The following ST14 variants were observed in gnomAD, a reference collection of about 807,000 sequenced individuals.
The protein encoded by ST14 is ST14 transmembrane serine protease matriptase.
ST14 carries 40 observed loss-of-function variants against 96.5 expected under a neutral mutation model. The observed-to-expected ratio is 0.41, with a 90% CI of 0.32 to 0.54. The LOEUF is 0.54. Among genes scored for constraint, ST14 ranks in the 20% least tolerant of loss-of-function variants. ST14 has a pLI of 0.17. For missense variants in ST14, 1,066 were observed against 1,188.9 expected (o/e 0.90, Z 1.52); for synonymous variants, 506 against 492.1 (o/e 1.03, Z -0.37).
chr11:130,183,821 C>CAGCT (rs1953214968), intron 1 of ST14, among the ~76,000 whole-genome samples: 1 of 152,170 alleles, frequency 6.6e-6, no homozygotes, highest in African/African-American at 2.4e-5. Flanking sequence ...AGTACAAAGA[C>CAGCT]AGCTACGGGA....
At position 130,194,141 on chromosome 11, in the gene ST14, C is replaced by T; in HGVS notation, c.876-8C>T. On this transcript the variant is annotated splice_region_variant and splice_polypyrimidine_tract_variant and intron_variant, in intron 7 of 18. Transcript: ENST00000278742. ...GCTCTTCCTAATGCCCGCCCTCTGCCCCCACAGGTTGTGTGGCACCTACCC... is the reference window on the plus strand; with the variant it reads ...GCTCTTCCTAATGCCCGCCCTCTGCTCCCACAGGTTGTGTGGCACCTACCC... 6.2e-7 allele frequency: 1 copy of T among 1,614,206 alleles called. No homozygotes were observed. Among genetic ancestry groups the T allele is most frequent in the South Asian group, 1.1e-5 (1 of 91,088 alleles).
At chr11:130,186,292 A>G (rs1288744369) in intron 1 of ST14, among the ~76,000 whole-genome samples, 1 of 152,226 alleles carries the variant, frequency 6.6e-6, no homozygotes. Context: ...AAAAATTTTT[A>G]AAAAGTATGT....
Position 130,165,387 on chromosome 11 carries a change from G to A in ST14, c.81+5327G>A, listed in dbSNP as rs75723852. ...TCAGAGTTCTTAGCCTGGCCTGGTT[G>A]GCAGTGGTGAGAAGTGTGTTTGGGG... is the stretch of plus-strand genomic sequence containing the variant. On this transcript the variant is annotated intron_variant, in intron 1 of 18. Coordinates refer to ENST00000278742, the MANE Select transcript of ST14 (RefSeq NM_021978.4). 5.4e-3 allele frequency among the ~76,000 whole-genome samples: 819 copies of A among 152,332 alleles called. 8 individuals are homozygous for A. Among genetic ancestry groups the A allele is most frequent in the African/African-American group, 0.018 (743 of 41,572 alleles).
Position 130,194,633 on chromosome 11 carries a change from C to T in ST14, c.1016-7C>T, listed in dbSNP as rs1458487007. ...ATCCTCTTGCTTTCTCCCACCTTCC[C>T]TCTCAGGCTGTGGAGGCCGCTTACG... On this transcript the variant is annotated splice_polypyrimidine_tract_variant and splice_region_variant and intron_variant, in intron 8 of 18. Coordinates refer to ENST00000278742, the MANE Select transcript of ST14 (RefSeq NM_021978.4). 2 of 1,614,008 alleles carry T rather than the reference C, an allele frequency of 1.2e-6. No homozygotes were observed. The highest frequency in any genetic ancestry group is 1.7e-6 in the Non-Finnish European group (2 of 1,179,966).
Position 130,193,186 on chromosome 11 carries a change from C to G in ST14, c.876-963C>G, listed in dbSNP as rs546915861. Among the ~76,000 whole-genome samples, 16 of 150,814 alleles carry G rather than the reference C, an allele frequency of 1.1e-4. No individual in the cohort carries two copies. The South Asian group carries it at 3.4e-3, about 32-fold the overall frequency. On this transcript the variant is annotated intron_variant, in intron 7 of 18. Transcript: ENST00000278742. ...TCACTGTAACCTTGAACTCCTGAGG[C>G]TCAAGCAGTTCTCTGGCCTTGCCCC...
At chr11:130,166,760 CCCAGGAGAGA>C (rs1215212613) in intron 1 of ST14, among the ~76,000 whole-genome samples, 1 of 152,132 alleles carries the variant, frequency 6.6e-6, no homozygotes, top group East Asian at 1.9e-4. Flanking sequence ...TGACAGTGAG[CCCAGGAGAGA>C]TCAGGCATGG....
intron 1 of ST14, among the ~76,000 whole-genome samples, chr11:130,182,374 G>C (rs1329660413): frequency 6.6e-6 from 1 of 151,256 alleles, no homozygotes; most frequent in Admixed American, 6.6e-5. Context: ...CAGGCAGGAG[G>C]GCAGTGGCAT....
chr11:130,190,815 C>A (rs1413215056), intron 7 of ST14, 121 bp downstream of exon 7: 4 of 1,314,596 alleles, frequency 3.0e-6, no homozygotes, highest in Non-Finnish European at 4.1e-6. Flanking sequence ...TGCTAAACAT[C>A]CAGGCAGCAG....
intron 16 of ST14, among the ~76,000 whole-genome samples, chr11:130,205,699 G>C (rs1315625873): frequency 1.1e-5 from 1 of 94,628 alleles, no homozygotes; most frequent in Non-Finnish European, 2.0e-5. Flanking sequence ...TTCTTTAGAC[G>C]TTTTTTTTTT....
Position 130,187,114 on chromosome 11 carries a change from T to G in ST14, c.82-1000T>G, listed in dbSNP as rs1953244760. The stretch of plus-strand genomic sequence containing the variant: ...CACCAGAAGAATGACATCAGGAAAC[T>G]GTCAAAAGGGCCAACACCTGTGGGT... On this transcript the variant is annotated intron_variant, in intron 1 of 18. Transcript: ENST00000278742. This position sits in a 1 kb window ranked among gnomAD's most constrained non-coding sequence, Gnocchi z 4.5. 6.6e-6 allele frequency among the ~76,000 whole-genome samples: 1 copy of G among 152,162 alleles called. No individual in the cohort carries two copies. Among genetic ancestry groups the G allele is most frequent in the Non-Finnish European group, 1.5e-5 (1 of 68,032 alleles).
intron 7 of ST14, among the ~76,000 whole-genome samples, chr11:130,191,705 A>G (rs1392567839): frequency 6.6e-6 from 1 of 152,050 alleles, no homozygotes; most frequent in Non-Finnish European, 1.5e-5. Context: ...AAAAAAAAAA[A>G]AAAAAGAGCC....
In ST14 at chr11:130,187,943, C is replaced by T. The variant is rs1034837045; in HGVS notation, c.82-171C>T. 6.6e-6 allele frequency among the ~76,000 whole-genome samples: 1 copy of T among 152,216 alleles called. No individual in the cohort carries two copies. The highest frequency in any genetic ancestry group is 1.5e-5 in the Non-Finnish European group (1 of 68,042). On this transcript the variant is annotated intron_variant, in intron 1 of 18. Coordinates refer to ENST00000278742, the MANE Select transcript of ST14 (RefSeq NM_021978.4). This position sits in a 1 kb window ranked among gnomAD's most constrained non-coding sequence, Gnocchi z 4.5. ...ATGCCCAGGGTTCATGTCCCGGGGT[C>T]TGCGCTCTGGGCAGTGGTCCCCATG...
intron 1 of ST14, among the ~76,000 whole-genome samples, chr11:130,168,905 A>G: frequency 6.6e-6 from 1 of 152,206 alleles, no homozygotes; most frequent in East Asian, 1.9e-4. Context: ...TAGCTTCTGC[A>G]GATCCCTGGG....
Position 130,190,476 on chromosome 11 carries a change from C to A in ST14, c.657C>A (p.His219Gln). The change falls in exon 7 of 19, where the codon CAC becomes CAA. Residue 219 changes from histidine to glutamine, a missense_variant. Transcript: ENST00000278742. ...TQDNSCSFGL[H>Q]ARGVELMRFT... ...CAGACAGCTGCAGCTTTGGCCTGCA[C>A]GCCCGCGGTGTGGAGCTGATGCGCT... The A allele has an allele frequency of 6.2e-7, 1 of 1,607,440 alleles. No homozygotes were observed. The highest frequency in any genetic ancestry group is 8.5e-7 in the Non-Finnish European group (1 of 1,179,890).
intron 16 of ST14, among the ~76,000 whole-genome samples, chr11:130,203,550 C>A (rs1953453857): frequency 6.6e-6 from 1 of 152,272 alleles, no homozygotes; most frequent in Non-Finnish European, 1.5e-5. Flanking sequence ...ACCGACACGG[C>A]CACGTTATCT....
Position 130,178,858 on chromosome 11 carries a change from G to T in ST14, c.82-9256G>T, listed in dbSNP as rs569345296. Among the ~76,000 whole-genome samples the T allele has an allele frequency of 1.4e-4, 22 of 152,350 alleles. No individual in the cohort carries two copies. In the South Asian group the frequency reaches 4.6e-3, roughly 32 times the overall value. On this transcript the variant is annotated intron_variant, in intron 1 of 18. Coordinates refer to ENST00000278742, the MANE Select transcript of ST14 (RefSeq NM_021978.4). ...CGGGGTTTTGGGGTGTCTGCCAGCA[G>T]CTGGCTGGGTCTGCAGCTGGCCCTG...
chr11:130,162,551 G>A (rs959106324), intron 1 of ST14, among the ~76,000 whole-genome samples: 13 of 152,210 alleles, frequency 8.5e-5, no homozygotes, highest in Non-Finnish European at 1.5e-4. Context: ...CTAGGGGCCA[G>A]GGTGTACACC....
Position 130,208,507 on chromosome 11 carries a change from A to T in ST14, c.2092A>T (p.Ile698Phe). ...GVQERRLKRI[I>F]SHPFFNDFTF... ...GCAGGAGCGCAGGCTCAAGCGCATC[A>T]TCTCCCACCCCTTCTTCAATGACTT... The change falls in exon 17 of 19, where the codon ATC (isoleucine) becomes TTC (phenylalanine). Residue 698 changes from isoleucine (I) to phenylalanine (F), a missense_variant. By Grantham distance (21) the Ile-to-Phe change is conservative (BLOSUM62 0). Transcript: ENST00000278742. 2 of 1,614,196 alleles carry T rather than the reference A, an allele frequency of 1.2e-6. No homozygotes were observed. The highest frequency in any genetic ancestry group is 1.7e-6 in the Non-Finnish European group (2 of 1,180,042).
intron 7 of ST14, among the ~76,000 whole-genome samples, chr11:130,192,040 G>A (rs776970550): frequency 4.6e-5 from 7 of 152,208 alleles, no homozygotes; most frequent in Admixed American, 3.9e-4. Flanking sequence ...ACGGAAAGGC[G>A]TGGTTAATGC....
Sources: gnomAD v4.1 joint callset for allele counts (sites outside exome capture counted in the v4.1 genomes callset) on GRCh38, gnomAD v4.1.1 for gene constraint, Gnocchi (gnomAD v3.1) non-coding constraint, MANE v1.5 for transcripts, NCBI Gene and HGNC (gene_info 2026-07-23, HGNC 2026-07-21) for gene names.